GPC5: variants seen among roughly 807,000 people sequenced by gnomAD.
The protein encoded by GPC5 is glypican 5.
Under a neutral mutation model 53.9 loss-of-function variants are expected in GPC5, and 47 were observed. That is an observed-to-expected ratio of 0.87 (90% CI 0.69 to 1.11). The LOEUF (loss-of-function observed/expected upper bound fraction) is 1.11, where lower values mean the gene tolerates loss of function less well. Ranked by LOEUF, GPC5 falls within the 50% of genes most tolerant of loss-of-function variation. GPC5 has a pLI of 0.00. For missense variants in GPC5, 748 were observed against 713.1 expected, an observed-to-expected ratio of 1.05 and a Z score of -0.56; for synonymous variants, 286 against 263.3, an observed-to-expected ratio of 1.09 and a Z score of -0.84.
chr13:92,249,010 T>TA (rs66534724), intron 7 of GPC5, among the ~76,000 whole-genome samples: 2 of 151,754 alleles, frequency 1.3e-5, no homozygotes, highest in East Asian at 3.9e-4. Context: ...ATTTCATATT[T>TA]AAAAAATAAT....
chr13:91,503,674 G>A lies in GPC5; in HGVS notation c.325+54752G>A, dbSNP rs1256930885. 4.6e-5 allele frequency among the ~76,000 whole-genome samples: 7 copies of A among 151,348 alleles called. No individual in the cohort carries two copies. In the South Asian group the frequency reaches 6.3e-4, roughly 14 times the overall value. ...GTGTGCCTGTAATCCCTGCTTCTTCGTAGGCTGAGGCAGGAGAATTGCTTG... is the reference window on the plus strand; with the variant it reads ...GTGTGCCTGTAATCCCTGCTTCTTCATAGGCTGAGGCAGGAGAATTGCTTG... On this transcript the variant is annotated intron_variant, in intron 2 of 7. Transcript: ENST00000377067.
At chr13:91,463,360 C>T (rs1303520131) in intron 2 of GPC5, among the ~76,000 whole-genome samples, 1 of 151,918 alleles carries the variant, frequency 6.6e-6, no homozygotes, top group Non-Finnish European at 1.5e-5. Flanking sequence ...GTGCACAACC[C>T]ATAGATACAA....
intron 7 of GPC5, among the ~76,000 whole-genome samples, chr13:92,462,160 G>A (rs923330649): frequency 6.6e-6 from 1 of 152,128 alleles, no homozygotes; most frequent in African/African-American, 2.4e-5. Flanking sequence ...AGGGTTTTGA[G>A]CAAAAAGACT....
At chr13:92,807,043 T>G (rs1469020588) in intron 7 of GPC5, among the ~76,000 whole-genome samples, 1 of 152,074 alleles carries the variant, frequency 6.6e-6, no homozygotes, top group Non-Finnish European at 1.5e-5. Context: ...CTCAGTCTCC[T>G]CCTCTGTTCA....
chr13:91,586,602 T>G (rs1362507921), intron 2 of GPC5, among the ~76,000 whole-genome samples: 3 of 98,000 alleles, frequency 3.1e-5, no homozygotes, highest in African/African-American at 7.3e-5. Flanking sequence ...GGAGAGGAAG[T>G]GCTACATTTT....
intron 5 of GPC5, among the ~76,000 whole-genome samples, chr13:91,775,808 A>G (rs1377800126): frequency 1.3e-5 from 2 of 152,184 alleles, no homozygotes; most frequent in Non-Finnish European, 2.9e-5. Flanking sequence ...TCCATGAGTG[A>G]GTGTCCCAGG....
chr13:91,719,544 C>T (rs924090967), intron 3 of GPC5, among the ~76,000 whole-genome samples: 1 of 152,182 alleles, frequency 6.6e-6, no homozygotes, highest in African/African-American at 2.4e-5. Context: ...CCTACCATTC[C>T]AGCTAACTTA....
chr13:92,414,871 C>T (rs1053424778), intron 7 of GPC5, among the ~76,000 whole-genome samples: 2 of 152,058 alleles, frequency 1.3e-5, no homozygotes, highest in African/African-American at 4.8e-5. Context: ...AAAGCTCTGC[C>T]CTTTTGACCT....
intron 7 of GPC5, among the ~76,000 whole-genome samples, chr13:92,280,761 G>T (rs548702596): frequency 4.6e-5 from 7 of 152,044 alleles, no homozygotes; most frequent in African/African-American, 1.4e-4. Context: ...GACGGGGTGC[G>T]GGGGGCGGTT....
chr13:91,854,609 T>C (rs184061486), intron 5 of GPC5, among the ~76,000 whole-genome samples: 39 of 151,812 alleles, frequency 2.6e-4, no homozygotes, highest in Non-Finnish European at 4.6e-4. Context: ...ATGGGTTCAA[T>C]AGTTTTGATT....
chr13:92,152,008 G>A (rs1456101632), intron 7 of GPC5, among the ~76,000 whole-genome samples: 1 of 152,100 alleles, frequency 6.6e-6, no homozygotes, highest in Non-Finnish European at 1.5e-5. Flanking sequence ...GGGATGAGAA[G>A]GTTTCCTGGG....
At chr13:92,742,118 T>A (rs1016977827) in intron 7 of GPC5, among the ~76,000 whole-genome samples, 4 of 151,230 alleles carry the variant, frequency 2.6e-5, no homozygotes, top group Non-Finnish European at 5.9e-5. Context: ...GATGGCTGGG[T>A]CAAATGGTAT....
rs566497705 is a variant in GPC5 at position 91,638,612 on chromosome 13, C to T, written c.326-54575C>T. Reference sequence around the variant, plus strand: ...AACTCCTGACCTCAAGTGATCTGCCCGCCTCAGCCTCCCAAAGTGCTGGGA... The same window carrying T: ...AACTCCTGACCTCAAGTGATCTGCCTGCCTCAGCCTCCCAAAGTGCTGGGA... On this transcript the variant is annotated intron_variant, in intron 2 of 7. Transcript: ENST00000377067. Among the ~76,000 whole-genome samples, 6 of 152,212 alleles carry T rather than the reference C, an allele frequency of 3.9e-5. No individual in the cohort carries two copies. The East Asian group carries it at 5.8e-4, about 15-fold the overall frequency.
intron 7 of GPC5, among the ~76,000 whole-genome samples, chr13:92,685,520 A>G (rs1026782068): frequency 3.2e-4 from 47 of 147,218 alleles, no homozygotes; most frequent in African/African-American, 1.2e-3. Flanking sequence ...AAAATAATCA[A>G]GTTATTTATG....
chr13:92,028,353 T>C (rs1048331527), intron 6 of GPC5, among the ~76,000 whole-genome samples: 1 of 152,150 alleles, frequency 6.6e-6, no homozygotes, highest in Non-Finnish European at 1.5e-5. Flanking sequence ...AGCTTAGTAA[T>C]TGGATTCAAA....
At position 91,948,285 on chromosome 13, in the gene GPC5, C is replaced by G. The variant is rs564842880; in HGVS notation, c.1401+40228C>G. On this transcript the variant is annotated intron_variant, in intron 6 of 7. Coordinates refer to ENST00000377067, the MANE Select transcript of GPC5 (RefSeq NM_004466.6). ...TAAATAAATAAATATACTTATAATG[C>G]TTATTCATTACGTTACTAATTTTAG... Among the ~76,000 whole-genome samples the G allele has an allele frequency of 4.3e-3, 653 of 150,840 alleles. 10 individuals are homozygous for G. Among genetic ancestry groups the G allele is most frequent in the African/African-American group, 0.015 (628 of 41,224 alleles).
At chr13:91,701,521 TTTC>T (rs564681819) in intron 3 of GPC5, among the ~76,000 whole-genome samples, 1 of 152,114 alleles carries the variant, frequency 6.6e-6, no homozygotes, top group Admixed American at 6.6e-5. Context: ...ACAGAATTTC[TTTC>T]TTTTTAAGGC....
chr13:92,626,865 A>G (rs12323052), intron 7 of GPC5, among the ~76,000 whole-genome samples: 4,614 of 152,292 alleles, frequency 0.03, 198 homozygotes, highest in African/African-American at 0.089. Context: ...TTTTCAGTAT[A>G]TAATGAAATA....
At chr13:92,755,395 T>C (rs1174160045) in intron 7 of GPC5, among the ~76,000 whole-genome samples, 18 of 134,762 alleles carry the variant, frequency 1.3e-4, no homozygotes, top group South Asian at 2.4e-4. Flanking sequence ...CCAAAATTGA[T>C]ACCCTAACAT....
Sources: gnomAD v4.1 joint callset for allele counts (sites outside exome capture counted in the v4.1 genomes callset) on GRCh38, gnomAD v4.1.1 for gene constraint, MANE v1.5 for transcripts, NCBI Gene and HGNC (gene_info 2026-07-23, HGNC 2026-07-21) for gene names.